Variants in TMEM38B observed in about 807,000 individuals in gnomAD.
TMEM38B encodes transmembrane protein 38B, also known as trimeric intracellular cation channel type B.
In TMEM38B, 24 loss-of-function variants were observed where a neutral mutation model predicts 28.7. The ratio of observed to expected loss-of-function variants is 0.84; its 90% CI spans 0.61 to 1.18. TMEM38B has a LOEUF of 1.18. Ranked by LOEUF, TMEM38B falls within the 50% of genes most tolerant of loss-of-function variation. The pLI, the probability that TMEM38B is intolerant of heterozygous loss-of-function variation, is 0.00. For missense variants in TMEM38B, 380 were observed against 350.9 expected, an observed-to-expected ratio of 1.08 and a Z score of -0.66; for synonymous variants, 131 against 127.7, an observed-to-expected ratio of 1.03 and a Z score of -0.17.
chr9:105,711,684 G>C (rs10816300), intron 2 of TMEM38B, among the ~76,000 whole-genome samples: 17,247 of 151,694 alleles, frequency 0.11, 1,467 homozygotes, highest in East Asian at 0.47. Flanking sequence ...GCTGAGTGTC[G>C]TGACGCATGC....
intron 1 of TMEM38B, among the ~76,000 whole-genome samples, chr9:105,698,126 T>A (rs1303017929): frequency 6.6e-6 from 1 of 151,902 alleles, no homozygotes; most frequent in Non-Finnish European, 1.5e-5. Flanking sequence ...ATTTTTTTTT[T>A]TTCTGTGAGC....
At chr9:105,743,524 G>A (rs1180210379) in intron 4 of TMEM38B, among the ~76,000 whole-genome samples, 1 of 152,146 alleles carries the variant, frequency 6.6e-6, no homozygotes, top group Non-Finnish European at 1.5e-5. Context: ...CTTTAAATAT[G>A]TGGCAAATAT....
intron 4 of TMEM38B, among the ~76,000 whole-genome samples, chr9:105,729,586 A>G (rs190543910): frequency 6.6e-6 from 1 of 152,190 alleles, no homozygotes; most frequent in African/African-American, 2.4e-5. Flanking sequence ...TTCCATATAA[A>G]CTTTAAAGTA....
intron 4 of TMEM38B, among the ~76,000 whole-genome samples, chr9:105,724,076 TCCAC>T: frequency 6.6e-6 from 1 of 151,822 alleles, no homozygotes; most frequent in East Asian, 1.9e-4. Flanking sequence ...CCTCAGGTGA[TCCAC>T]CCACCTTGGC....
chr9:105,721,730 G>T lies in TMEM38B; in HGVS notation c.454+9G>T. On this transcript the variant is annotated intron_variant, in intron 3 of 5. Coordinates refer to ENST00000374692, the MANE Select transcript of TMEM38B (RefSeq NM_018112.3). ...TATTGGATGGGCCCGAGGTAATATT[G>T]ACAATATGTGTTCATAAATATTCTG... The T allele has an allele frequency of 6.3e-7, 1 of 1,590,796 alleles. No individual in the cohort carries two copies. Among genetic ancestry groups the T allele is most frequent in the South Asian group, 1.1e-5 (1 of 87,950 alleles).
chr9:105,701,087 C>T (rs569880937), intron 1 of TMEM38B: 2 of 152,078 alleles, frequency 1.3e-5, no homozygotes, highest in South Asian at 4.1e-4. Flanking sequence ...AGAGTAGTAA[C>T]TGCTTTCTGG....
chr9:105,695,727 T>C (rs1037941941), intron 1 of TMEM38B, among the ~76,000 whole-genome samples: 4 of 152,208 alleles, frequency 2.6e-5, no homozygotes, highest in Non-Finnish European at 5.9e-5. Context: ...GTCTGGAGGA[T>C]GATGCTGTAT....
chr9:105,712,094 T>A (rs935068574), intron 2 of TMEM38B, among the ~76,000 whole-genome samples: 6 of 152,288 alleles, frequency 3.9e-5, no homozygotes, highest in African/African-American at 1.4e-4. Context: ...TTTCTATTTT[T>A]AGTGCAGCCG....
chr9:105,717,505 G>T lies in TMEM38B; in HGVS notation c.270-4032G>T, dbSNP rs140950889. On this transcript the variant is annotated intron_variant, in intron 2 of 5. Coordinates refer to ENST00000374692, the MANE Select transcript of TMEM38B (RefSeq NM_018112.3). The stretch of plus-strand genomic sequence containing the variant: ...GGATAAATTATGGCATATTAATTCT[G>T]TTACGGTAAATACTGGTGAAAATTA... 3.4e-3 allele frequency among the ~76,000 whole-genome samples: 521 copies of T among 152,248 alleles called. 6 individuals are homozygous for T. In the Middle Eastern group the frequency reaches 0.058, roughly 17 times the overall value.
At chr9:105,710,049 A>C (rs1230032868) in intron 2 of TMEM38B, among the ~76,000 whole-genome samples, 1 of 152,166 alleles carries the variant, frequency 6.6e-6, no homozygotes, top group Non-Finnish European at 1.5e-5. Flanking sequence ...ATGTCCTTTT[A>C]TTTGTCCTAA....
chr9:105,767,640 T>G (rs1826418541), intron 5 of TMEM38B, among the ~76,000 whole-genome samples: 1 of 152,224 alleles, frequency 6.6e-6, no homozygotes, highest in Non-Finnish European at 1.5e-5. Context: ...TTCATTGTTT[T>G]ATATGTATCT....
chr9:105,774,368 A>G lies in TMEM38B; in HGVS notation c.*288A>G, dbSNP rs1588487339. 4.8e-6 allele frequency: 1 copy of G among 208,262 alleles called. No homozygotes were observed. The highest frequency in any genetic ancestry group is 1.0e-4 in the East Asian group (1 of 9,840). 12.9% of individuals were successfully genotyped at this position (208,262 alleles called of 1,614,324 possible). On this transcript the variant is annotated 3_prime_UTR_variant, in exon 6 of 6. Transcript: ENST00000374692. ...GAAGACAAAATTTTTTAAATGTTAGAAAAAGCAGATCTGTCATTGCAAAGT... is the reference window on the plus strand; with the variant it reads ...GAAGACAAAATTTTTTAAATGTTAGGAAAAGCAGATCTGTCATTGCAAAGT...
At chr9:105,729,102 A>G (rs1359878196) in intron 4 of TMEM38B, among the ~76,000 whole-genome samples, 2 of 152,082 alleles carry the variant, frequency 1.3e-5, no homozygotes, top group East Asian at 1.9e-4. Flanking sequence ...CCATTTGTCA[A>G]TTTTGGCTTT....
intron 2 of TMEM38B, among the ~76,000 whole-genome samples, chr9:105,713,535 G>A (rs1007770608): frequency 9.2e-5 from 14 of 152,226 alleles, no homozygotes; most frequent in African/African-American, 2.9e-4. Context: ...TTTGGGTGCT[G>A]AAGAGTGCGG....
chr9:105,701,698 C>G (rs1031657404), intron 1 of TMEM38B: 1 of 152,156 alleles, frequency 6.6e-6, no homozygotes, highest in Non-Finnish European at 1.5e-5. Flanking sequence ...GGTTGTGGCA[C>G]CAATTTCTGT....
chr9:105,740,974 G>GT (rs11393844), intron 4 of TMEM38B, among the ~76,000 whole-genome samples: 31,795 of 151,886 alleles, frequency 0.21, 5,114 homozygotes, highest in East Asian at 0.46. Context: ...ACCGATATGG[G>GT]AACATGTTCT....
intron 5 of TMEM38B, among the ~76,000 whole-genome samples, chr9:105,763,703 A>C (rs1258536815): frequency 4.6e-5 from 7 of 152,164 alleles, no homozygotes; most frequent in African/African-American, 1.4e-4. Flanking sequence ...TCAATAGAAA[A>C]AGAGGGAATC....
At chr9:105,725,888 A>G (rs1836492031) in intron 4 of TMEM38B, among the ~76,000 whole-genome samples, 1 of 152,182 alleles carries the variant, frequency 6.6e-6, no homozygotes, top group Non-Finnish European at 1.5e-5. Flanking sequence ...CTGTACACTG[A>G]GGCAACACTA....
At chr9:105,709,424 A>G (rs1835812082) in intron 2 of TMEM38B, among the ~76,000 whole-genome samples, 1 of 152,236 alleles carries the variant, frequency 6.6e-6, no homozygotes, top group African/African-American at 2.4e-5. Context: ...ATTGGGTTCT[A>G]TAATTATATT....
Sources: allele counts gnomAD v4.1 joint callset (sites outside exome capture counted in the v4.1 genomes callset), GRCh38; gene constraint gnomAD v4.1.1; transcripts MANE v1.5; gene names NCBI Gene and HGNC (gene_info 2026-07-23, HGNC 2026-07-21).